Variants in SLC15A1 observed in about 807,000 individuals in gnomAD.
SLC15A1 encodes solute carrier family 15 member 1.
Under a neutral mutation model 92.9 loss-of-function variants are expected in SLC15A1, and 83 were observed. The observed-to-expected ratio is 0.89, with a 90% CI of 0.75 to 1.07. The LOEUF (loss-of-function observed/expected upper bound fraction) is 1.07, where lower values mean the gene tolerates loss of function less well. Among genes scored for constraint, SLC15A1 ranks in the 50% least tolerant of loss-of-function variants. SLC15A1 has a pLI of 0.00. For synonymous variants in SLC15A1, 322 were observed against 318.2 expected (o/e 1.01, Z -0.13); for missense variants, 857 against 880.1 (o/e 0.97, Z 0.33).
In SLC15A1 at chr13:98,708,777, C is replaced by G. The variant is rs752987750; in HGVS notation, c.1068-10G>C. 1 of 1,605,446 alleles carries G rather than the reference C, an allele frequency of 6.2e-7. No homozygotes were observed. Among genetic ancestry groups the G allele is most frequent in the African/African-American group, 1.3e-5 (1 of 74,570 alleles). ...CATCTTCTTCAAGGAGCTGATGGCA[C>G]AAGAGAAGAGTGACTCTCAACCAGT... On this transcript the variant is annotated splice_polypyrimidine_tract_variant and intron_variant, in intron 14 of 22. Transcript: ENST00000376503.
rs1389946813 is a variant in SLC15A1 at position 98,713,109 on chromosome 13, T to C, written c.724-525A>G. Among the ~76,000 whole-genome samples, 5 of 152,204 alleles carry C rather than the reference T, an allele frequency of 3.3e-5. No homozygotes were observed. The East Asian group carries it at 7.7e-4, about 23-fold the overall frequency. On this transcript the variant is annotated intron_variant, in intron 9 of 22. Transcript: ENST00000376503. ...TCTTGCTCTGTCGCCTAGGCTGAAA[T>C]ACAGTGGCACTGTCTTGGCTCACTG... is the stretch of plus-strand genomic sequence containing the variant.
intron 1 of SLC15A1, among the ~76,000 whole-genome samples, chr13:98,739,879 A>G (rs562052481): frequency 2.2e-4 from 33 of 151,696 alleles, no homozygotes; most frequent in African/African-American, 7.3e-4. Flanking sequence ...GCAGATTCTT[A>G]ATTGAGTATG....
chr13:98,714,607 G>A (rs1219888474), intron 9 of SLC15A1, among the ~76,000 whole-genome samples: 1 of 137,462 alleles, frequency 7.3e-6, no homozygotes, highest in Non-Finnish European at 1.5e-5. Flanking sequence ...TGAGCTGAGA[G>A]TGCACCACTG....
chr13:98,740,902 C>G (rs1198406976), intron 1 of SLC15A1, among the ~76,000 whole-genome samples: 1 of 152,212 alleles, frequency 6.6e-6, no homozygotes, highest in African/African-American at 2.4e-5. Context: ...ATGGGCTCTT[C>G]TAGCATCAGA....
At position 98,688,534 on chromosome 13, in the gene SLC15A1, C is replaced by T. The variant is rs1381293270; in HGVS notation, c.1510G>A (p.Gly504Arg). The part of the protein sequence containing the change: ...FNELITITMS[G>R]KVYANISSYN... Reference sequence around the variant, plus strand: ...CTGCTGATGTTTGCATAAACTTTCCCACTCATTGTGATGGTGATGAGCTCG... The same window carrying T: ...CTGCTGATGTTTGCATAAACTTTCCTACTCATTGTGATGGTGATGAGCTCG... Residue 504 changes from glycine (G) to arginine (R), a missense_variant, in exon 19 of 23, where the codon GGG becomes AGG. Gly to Arg is a moderately radical substitution (Grantham distance 125). Transcript: ENST00000376503. 1 of 1,614,026 alleles carries T rather than the reference C, an allele frequency of 6.2e-7. No individual in the cohort carries two copies. Among genetic ancestry groups the T allele is most frequent in the East Asian group, 2.2e-5 (1 of 44,856 alleles).
intron 1 of SLC15A1, among the ~76,000 whole-genome samples, chr13:98,744,307 T>G (rs2088474547): frequency 7.3e-6 from 1 of 137,880 alleles, no homozygotes; most frequent in Non-Finnish European, 1.6e-5. Context: ...TTCAAGGCAA[T>G]GAGGTTGAAG....
At chr13:98,742,859 T>C (rs2088460227) in intron 1 of SLC15A1, among the ~76,000 whole-genome samples, 1 of 152,232 alleles carries the variant, frequency 6.6e-6, no homozygotes, top group Non-Finnish European at 1.5e-5. Context: ...CACTGCAGCC[T>C]TGAACTCCTG....
At chr13:98,729,315 G>A (rs1464601668) in intron 1 of SLC15A1, among the ~76,000 whole-genome samples, 1 of 152,170 alleles carries the variant, frequency 6.6e-6, no homozygotes, top group East Asian at 1.9e-4. Context: ...GTTTCGAGCA[G>A]CAGCAGAGCT....
At chr13:98,726,085 T>C in intron 4 of SLC15A1, 38 bp downstream of exon 4, 1 of 1,609,080 alleles carries the variant, frequency 6.2e-7, no homozygotes, top group East Asian at 2.2e-5. Context: ...CATTTACTTT[T>C]TCGCTTGTTT....
Position 98,745,251 on chromosome 13 carries a change from G to C in SLC15A1, c.4+7344C>G, listed in dbSNP as rs144638304. Among the ~76,000 whole-genome samples the C allele has an allele frequency of 3.1e-4, 47 of 152,288 alleles. No individual in the cohort carries two copies. The East Asian group carries it at 7.7e-3, about 25-fold the overall frequency. On this transcript the variant is annotated intron_variant, in intron 1 of 22. Transcript: ENST00000376503. ...TCTGTCTTGCTGGGGGAAGGAACTG[G>C]TCACCAGACATAGCATCCGAGCTGA...
chr13:98,740,299 G>A (rs9584926), intron 1 of SLC15A1, among the ~76,000 whole-genome samples: 3,734 of 152,272 alleles, frequency 0.025, 157 homozygotes, highest in African/African-American at 0.085. Flanking sequence ...CACCCGCTGT[G>A]CTCCGCACTC....
intron 1 of SLC15A1, among the ~76,000 whole-genome samples, chr13:98,730,406 G>T (rs1388895254): frequency 6.6e-6 from 1 of 152,136 alleles, no homozygotes; most frequent in East Asian, 1.9e-4. Context: ...TAGAGTTCTG[G>T]ACAGAGATTC....
chr13:98,727,757 T>C (rs2088314444), intron 1 of SLC15A1, among the ~76,000 whole-genome samples: 1 of 152,198 alleles, frequency 6.6e-6, no homozygotes, highest in African/African-American at 2.4e-5. Context: ...CCTGTGTTCA[T>C]CCGTGTCTAT....
intron 1 of SLC15A1, among the ~76,000 whole-genome samples, chr13:98,738,491 G>A (rs1457712946): frequency 5.9e-5 from 9 of 152,248 alleles, no homozygotes; most frequent in Non-Finnish European, 1.0e-4. Flanking sequence ...GCAGCCTCAG[G>A]ACACTGCTTC....
At chr13:98,722,648 G>A (rs1180639185) in intron 5 of SLC15A1, among the ~76,000 whole-genome samples, 1 of 152,258 alleles carries the variant, frequency 6.6e-6, no homozygotes, top group Admixed American at 6.5e-5. Flanking sequence ...TAAAGTCAAG[G>A]AAAATATTGC....
intron 1 of SLC15A1, among the ~76,000 whole-genome samples, chr13:98,747,028 G>C (rs897641968): frequency 7.3e-5 from 11 of 151,588 alleles, no homozygotes; most frequent in Admixed American, 5.9e-4. Flanking sequence ...AAGAGGTGTG[G>C]CCCCCCCCAC....
rs2087927801 is a variant in SLC15A1 at position 98,686,216 on chromosome 13, CCA to C, written c.1907_1908del (p.Val636GlyfsTer47). On this transcript the variant is annotated frameshift_variant, in exon 22 of 23. Transcript: ENST00000376503. LOFTEE classifies it low-confidence loss of function (END_TRUNC). The part of the protein sequence containing the change: ...VAVGNIIVLI[V>X]AGAGQFSKQW... Reference sequence around the variant, plus strand: ...TGTTTGCTGAACTGGCCTGCCCCTGCCACGATGAGCACAATGATGTTGCCAAC... The same window carrying C: ...TGTTTGCTGAACTGGCCTGCCCCTGCCGATGAGCACAATGATGTTGCCAAC... 6.2e-7 allele frequency: 1 copy of C among 1,613,684 alleles called. No homozygotes were observed. Among genetic ancestry groups the C allele is most frequent in the Non-Finnish European group, 8.5e-7 (1 of 1,179,910 alleles).
chr13:98,720,260 A>G (rs1386803976), intron 7 of SLC15A1, among the ~76,000 whole-genome samples: 3 of 152,254 alleles, frequency 2.0e-5, no homozygotes. Context: ...AACAAGTTAC[A>G]TAAAATTTTT....
At chr13:98,693,087 GTTTTTTTTTTTTTT>G (rs55817470) in intron 18 of SLC15A1, among the ~76,000 whole-genome samples, 5 of 58,048 alleles carry the variant, frequency 8.6e-5, no homozygotes, top group Admixed American at 2.7e-4. Context: ...TATTGTCTAC[GTTTTTTTTTTTTTT>G]TTTTTTTTTT....
Sources: allele counts gnomAD v4.1 joint callset (sites outside exome capture counted in the v4.1 genomes callset), GRCh38; gene constraint gnomAD v4.1.1; transcripts MANE v1.5; gene names NCBI Gene and HGNC (gene_info 2026-07-23, HGNC 2026-07-21).